Variants in DNAJC5 observed in about 807,000 individuals in gnomAD.
DNAJC5 encodes DnaJ heat shock protein family (Hsp40) member C5.
In DNAJC5, 1 loss-of-function variant was observed where a neutral mutation model predicts 23.2. The ratio of observed to expected loss-of-function variants is 0.04; its 90% confidence interval spans 0.02 to 0.20. DNAJC5 has a LOEUF of 0.20. DNAJC5 is among the 10% of genes least tolerant of loss of function. The pLI, the probability that DNAJC5 is intolerant of heterozygous loss-of-function variation, is 1.00. For synonymous variants in DNAJC5, 136 were observed against 120.0 expected, an observed-to-expected ratio of 1.13 and a Z score of -0.87; for missense variants, 180 against 267.0, an observed-to-expected ratio of 0.67 and a Z score of 2.27.
Position 63,895,139 on chromosome 20 carries a change from T to G in DNAJC5, c.-196T>G, listed in dbSNP as rs1213304131. On this transcript the variant is annotated 5_prime_UTR_variant, in exon 1 of 5. Coordinates refer to ENST00000360864, the MANE Select transcript of DNAJC5 (RefSeq NM_025219.3). Reference sequence around the variant, plus strand: ...GCCGGTGCGGGTGCGTGCGTGAGCGTGCTCGTCTCCGCTGCCGCTGCCGCT... The same window carrying G: ...GCCGGTGCGGGTGCGTGCGTGAGCGGGCTCGTCTCCGCTGCCGCTGCCGCT... The G allele has an allele frequency of 2.0e-5, 3 of 153,320 alleles. No homozygotes were observed. Among genetic ancestry groups the G allele is most frequent in the African/African-American group, 7.3e-5 (3 of 41,220 alleles). 9.5% of individuals were successfully genotyped at this position (153,320 alleles called of 1,614,324 possible).
At position 63,931,593 on chromosome 20, in the gene DNAJC5, G is replaced by C; in HGVS notation, c.*25G>C. ...AATCCAGGAGGAGCTGTGGTCAGAG[G>C]AGGAGCCGGCGCCTGGCCACGCCAA... On this transcript the variant is annotated 3_prime_UTR_variant, in exon 5 of 5. Coordinates refer to ENST00000360864, the MANE Select transcript of DNAJC5 (RefSeq NM_025219.3). The surrounding 1 kb of genome is among the most constrained non-coding windows in gnomAD (Gnocchi z 9.6). 1 of 1,540,270 alleles carries C rather than the reference G, an allele frequency of 6.5e-7. No individual in the cohort carries two copies. The highest frequency in any genetic ancestry group is 8.7e-7 in the Non-Finnish European group (1 of 1,145,236).
chr20:63,898,040 C>A (rs539013105), intron 1 of DNAJC5, among the ~76,000 whole-genome samples: 7 of 152,322 alleles, frequency 4.6e-5, no homozygotes, highest in African/African-American at 1.7e-4. Flanking sequence ...CAGCTGCCTC[C>A]GTGACCAGCA....
intron 1 of DNAJC5, among the ~76,000 whole-genome samples, chr20:63,926,910 C>G (rs941233583): frequency 1.6e-4 from 24 of 152,200 alleles, no homozygotes; most frequent in African/African-American, 5.5e-4. Flanking sequence ...CCGTCATGTA[C>G]ACTGTATTTA....
chr20:63,925,069 A>C (rs1171481685), intron 1 of DNAJC5, among the ~76,000 whole-genome samples: 1 of 152,178 alleles, frequency 6.6e-6, no homozygotes, highest in Non-Finnish European at 1.5e-5. Flanking sequence ...AAGGCAGGAA[A>C]GTCCGCCTGT....
At chr20:63,913,290 T>A (rs947960369) in intron 1 of DNAJC5, among the ~76,000 whole-genome samples, 2 of 152,178 alleles carry the variant, frequency 1.3e-5, no homozygotes, top group Non-Finnish European at 2.9e-5. Context: ...CAGCACCTGT[T>A]GTCTCCTTCC....
chr20:63,901,128 C>A (rs1303931889), intron 1 of DNAJC5, among the ~76,000 whole-genome samples: 6 of 152,194 alleles, frequency 3.9e-5, no homozygotes. Context: ...CCACGCCCAG[C>A]TAATTTTTGT....
At chr20:63,895,397 G>C (rs936945280) in intron 1 of DNAJC5, 74 bp downstream of exon 1, 7 of 147,118 alleles carry the variant, frequency 4.8e-5, no homozygotes, top group African/African-American at 1.7e-4. Flanking sequence ...GGGCGCGGGT[G>C]GGGGGCGGGG....
intron 1 of DNAJC5, among the ~76,000 whole-genome samples, chr20:63,924,192 A>C (rs2053593200): frequency 7.7e-6 from 1 of 129,048 alleles, no homozygotes; most frequent in Admixed American, 8.2e-5. Context: ...ACATTTAAAA[A>C]AATCAGTATC....
rs1385592582 is a variant in DNAJC5, at chr20:63,909,042, C to T, written c.-12+13719C>T. 7 of 152,272 alleles carry T rather than the reference C, an allele frequency of 4.6e-5. No individual in the cohort carries two copies. In the Middle Eastern group the frequency reaches 0.01, roughly 222 times the overall value. The allele number at this position is 152,272 out of a possible 1,614,324, so 9.4% of individuals were successfully genotyped here. ...CCATTGCACTCCGGATGTGCTGAGC[C>T]CTGCGTTTTCCCCAAATGTGGGAAA... On this transcript the variant is annotated intron_variant, in intron 1 of 4. Coordinates refer to ENST00000360864, the MANE Select transcript of DNAJC5 (RefSeq NM_025219.3).
chr20:63,909,949 C>G (rs1192742752), intron 1 of DNAJC5, among the ~76,000 whole-genome samples: 1 of 152,192 alleles, frequency 6.6e-6, no homozygotes. Context: ...GAACACTTGT[C>G]TTTCATATTT....
chr20:63,915,106 C>T (rs757922413), intron 1 of DNAJC5, among the ~76,000 whole-genome samples: 5 of 152,128 alleles, frequency 3.3e-5, no homozygotes, highest in African/African-American at 4.8e-5. Context: ...CTCCTGGGAC[C>T]TGGGGCACTG....
chr20:63,924,222 C>T (rs914571439), intron 1 of DNAJC5, among the ~76,000 whole-genome samples: 1 of 151,946 alleles, frequency 6.6e-6, no homozygotes, highest in African/African-American at 2.4e-5. Flanking sequence ...AAAAAAAAAT[C>T]CTCTTGGATT....
intron 1 of DNAJC5, among the ~76,000 whole-genome samples, chr20:63,895,653 C>T (rs1290996482): frequency 6.6e-6 from 1 of 151,742 alleles, no homozygotes; most frequent in Non-Finnish European, 1.5e-5. Flanking sequence ...GTCCCCGCGG[C>T]CGCCCCCAAC....
chr20:63,903,417 C>T (rs971075220), intron 1 of DNAJC5, among the ~76,000 whole-genome samples: 1 of 152,164 alleles, frequency 6.6e-6, no homozygotes, highest in Non-Finnish European at 1.5e-5. Context: ...AAGCGATTCT[C>T]CTGCCTCAGC....
intron 3 of DNAJC5, 79 bp from the exon 4 acceptor site, chr20:63,930,772 C>T: frequency 6.2e-7 from 1 of 1,605,626 alleles, no homozygotes; most frequent in African/African-American, 1.3e-5. Context: ...CTGCCTTCTG[C>T]TGAGGGCATT....
chr20:63,926,117 G>C lies in DNAJC5; in HGVS notation c.-11-2218G>C, dbSNP rs190357766. On this transcript the variant is annotated intron_variant, in intron 1 of 4. Coordinates refer to ENST00000360864, the MANE Select transcript of DNAJC5 (RefSeq NM_025219.3). ...TGCTGGGATTACAGGCGTGAGCCAC[G>C]GCGCCTGGCCTTCTGGGGATTTTTT... Among the ~76,000 whole-genome samples, 167 of 152,186 alleles carry C rather than the reference G, an allele frequency of 1.1e-3. 1 individual carries two copies. Among genetic ancestry groups the C allele is most frequent in the Middle Eastern group, 3.4e-3 (1 of 294 alleles).
intron 1 of DNAJC5, among the ~76,000 whole-genome samples, chr20:63,927,523 A>G (rs1053589514): frequency 1.3e-5 from 2 of 151,628 alleles, no homozygotes; most frequent in African/African-American, 4.8e-5. Flanking sequence ...CTGGGCAACA[A>G]GAGCAAAACT....
intron 1 of DNAJC5, among the ~76,000 whole-genome samples, chr20:63,909,298 T>C (rs817383): frequency 2.7e-5 from 4 of 150,870 alleles, no homozygotes; most frequent in African/African-American, 4.9e-5. Context: ...AGGAGATCGA[T>C]ACATCCTGGC....
rs748875387 is a variant in DNAJC5 at position 63,931,478 on chromosome 20, G to A, written c.507G>A (p.Thr169=). 8.9e-6 allele frequency: 14 copies of A among 1,565,232 alleles called. No individual in the cohort carries two copies. Among genetic ancestry groups the A allele is most frequent in the African/African-American group, 2.7e-5 (2 of 73,762 alleles). The part of the protein sequence containing the change: ...LQSDEREATD[T]PIVIQPASAT... ...CTTGCTTTTCAGAGGCCACAGACAC[G>A]CCGATCGTCATACAGCCGGCATCCG... The change falls in exon 5 of 5, where the codon ACG becomes ACA. Residue 169 remains threonine, a synonymous_variant. Coordinates refer to ENST00000360864, the MANE Select transcript of DNAJC5 (RefSeq NM_025219.3). The surrounding 1 kb of genome is among the most constrained non-coding windows in gnomAD (Gnocchi z 9.6).
Sources: gnomAD v4.1 joint callset for allele counts (sites outside exome capture counted in the v4.1 genomes callset) on GRCh38, gnomAD v4.1.1 for gene constraint, Gnocchi (gnomAD v3.1) non-coding constraint, MANE v1.5 for transcripts, NCBI Gene and HGNC (gene_info 2026-07-23, HGNC 2026-07-21) for gene names.